PLCL1: variants seen among roughly 807,000 people sequenced by gnomAD.
PLCL1 encodes the protein inactive phospholipase C-like protein 1.
A neutral mutation model predicts 84.4 loss-of-function variants in PLCL1; 41 were observed. The observed-to-expected ratio is 0.49, with a 90% CI of 0.38 to 0.63. The LOEUF is 0.63. PLCL1 is among the 30% of genes least tolerant of loss of function. The pLI is 0.00. For missense variants in PLCL1, 1,206 were observed against 1,367.8 expected, an observed-to-expected ratio of 0.88 and a Z score of 1.87; for synonymous variants, 490 against 488.3, an observed-to-expected ratio of 1.00 and a Z score of -0.05.
chr2:198,015,784 T>C (rs1223117078), intron 1 of PLCL1, among the ~76,000 whole-genome samples: 1 of 152,148 alleles, frequency 6.6e-6, no homozygotes, highest in Admixed American at 6.5e-5. Context: ...ACTCAGAGCA[T>C]ATGTGTGATA....
In PLCL1 at chr2:198,084,610, G is replaced by A; in HGVS notation, c.1093G>A (p.Glu365Lys). The A allele has an allele frequency of 6.2e-7, 1 of 1,614,112 alleles. No homozygotes were observed. Among genetic ancestry groups the A allele is most frequent in the Non-Finnish European group, 8.5e-7 (1 of 1,179,966 alleles). Residue 365 changes from glutamate (E) to lysine (K), a missense_variant, in exon 2 of 6, where the codon GAG (glutamate) becomes AAG (lysine). Transcript: ENST00000428675. ...DIIRRYELSEEGRQKGFLAID... is the reference protein window; with the variant it reads ...DIIRRYELSEKGRQKGFLAID... The stretch of plus-strand genomic sequence containing the variant: ...CATAAGGAGATACGAACTTTCTGAA[G>A]AGGGACGTCAAAAAGGGTTTCTTGC...
chr2:197,840,094 T>G (rs2574832), intron 1 of PLCL1, among the ~76,000 whole-genome samples: 110,531 of 152,136 alleles, frequency 0.73, 41,203 homozygotes, highest in African/African-American at 0.9. Context: ...AAAGATTCTA[T>G]GTTTCTAAGG....
At chr2:197,983,218 T>C (rs1350068448) in intron 1 of PLCL1, among the ~76,000 whole-genome samples, 8 of 63,442 alleles carry the variant, frequency 1.3e-4, no homozygotes, top group African/African-American at 3.8e-4. Context: ...TTTTTTTTTT[T>C]TTTTTTTTTT....
intron 1 of PLCL1, among the ~76,000 whole-genome samples, chr2:197,886,411 CAAAAAAAAAA>C (rs61183744): frequency 4.3e-4 from 33 of 77,036 alleles, no homozygotes; most frequent in Non-Finnish European, 6.2e-4. Flanking sequence ...GACTCTGTCT[CAAAAAAAAAA>C]AAAAAAAAAA....
chr2:197,978,648 A>G (rs1374254710), intron 1 of PLCL1, among the ~76,000 whole-genome samples: 1 of 152,258 alleles, frequency 6.6e-6, no homozygotes, highest in Non-Finnish European at 1.5e-5. Context: ...AAAAACAAGT[A>G]AGATAATTAT....
chr2:198,070,638 A>G (rs1323545393), intron 1 of PLCL1, among the ~76,000 whole-genome samples: 2 of 151,998 alleles, frequency 1.3e-5, no homozygotes, highest in Non-Finnish European at 2.9e-5. Context: ...CAAGAATAAT[A>G]AATATTTCAA....
At chr2:198,141,655 C>T (rs1170466857) in intron 5 of PLCL1, among the ~76,000 whole-genome samples, 1 of 152,148 alleles carries the variant, frequency 6.6e-6, no homozygotes, top group Non-Finnish European at 1.5e-5. Flanking sequence ...CAGTTGTGCA[C>T]AGCCCTCCAC....
chr2:197,847,779 T>C (rs537554937), intron 1 of PLCL1, among the ~76,000 whole-genome samples: 62 of 152,320 alleles, frequency 4.1e-4, no homozygotes, highest in Admixed American at 3.3e-4. Flanking sequence ...CTTTTCCCGC[T>C]CTCAAGCTGT....
At chr2:197,897,176 T>TCTC (rs1559038617) in intron 1 of PLCL1, among the ~76,000 whole-genome samples, 12 of 45,006 alleles carry the variant, frequency 2.7e-4, no homozygotes, top group Non-Finnish European at 4.3e-4. Flanking sequence ...TTCTTCTTCT[T>TCTC]CTTCTTCTTC....
intron 1 of PLCL1, among the ~76,000 whole-genome samples, chr2:198,003,470 G>A (rs1273139963): frequency 6.6e-6 from 1 of 152,166 alleles, no homozygotes; most frequent in East Asian, 1.9e-4. Flanking sequence ...TTATGTGCTG[G>A]ACTCTTGTAT....
intron 1 of PLCL1, among the ~76,000 whole-genome samples, chr2:197,899,803 T>G (rs887644397): frequency 2.6e-5 from 4 of 151,532 alleles, no homozygotes; most frequent in Non-Finnish European, 5.9e-5. Flanking sequence ...GCCCGGCTAA[T>G]TTTTTGTATT....
At chr2:198,129,162 T>TG (rs894651551) in intron 5 of PLCL1, among the ~76,000 whole-genome samples, 7 of 152,194 alleles carry the variant, frequency 4.6e-5, no homozygotes, top group Non-Finnish European at 8.8e-5. Flanking sequence ...CTATCTCTTG[T>TG]GGGGGAAATT....
chr2:197,853,515 C>T lies in PLCL1; in HGVS notation c.240+48176C>T, dbSNP rs552162332. On this transcript the variant is annotated intron_variant, in intron 1 of 5. Coordinates refer to ENST00000428675, the MANE Select transcript of PLCL1 (RefSeq NM_006226.4). ...TCCTTATTTGTGAAACAGGAATAAT[C>T]ATCCTTAACTGGAAGAGGGCTATCA... 7.4e-4 allele frequency among the ~76,000 whole-genome samples: 112 copies of T among 152,260 alleles called. 1 individual carries two copies. The highest frequency in any genetic ancestry group is 2.6e-3 in the African/African-American group (109 of 41,560).
chr2:197,952,718 A>C (rs1446610997), intron 1 of PLCL1, among the ~76,000 whole-genome samples: 2 of 152,080 alleles, frequency 1.3e-5, no homozygotes, highest in African/African-American at 4.8e-5. Flanking sequence ...CCAGTGAGAG[A>C]TAACTGAATT....
chr2:198,121,870 A>AT (rs1244053799), intron 5 of PLCL1, among the ~76,000 whole-genome samples: 2 of 151,754 alleles, frequency 1.3e-5, no homozygotes, highest in Admixed American at 1.3e-4. Context: ...GCCCATCTTT[A>AT]TTTTTCTCCT....
chr2:198,061,581 C>T (rs1183885998), intron 1 of PLCL1, among the ~76,000 whole-genome samples: 2 of 143,374 alleles, frequency 1.4e-5, no homozygotes, highest in Non-Finnish European at 3.1e-5. Context: ...ATCATTCCTC[C>T]ATTGCAAATG....
chr2:197,819,878 T>C (rs1367157824), intron 1 of PLCL1, among the ~76,000 whole-genome samples: 1 of 147,554 alleles, frequency 6.8e-6, no homozygotes, highest in African/African-American at 2.6e-5. Flanking sequence ...AGGCTCACTA[T>C]TATGCATGTG....
At chr2:198,137,140 A>T (rs377583506) in intron 5 of PLCL1, among the ~76,000 whole-genome samples, 8 of 152,218 alleles carry the variant, frequency 5.3e-5, no homozygotes, top group African/African-American at 1.4e-4. Flanking sequence ...TAAATTAAAT[A>T]AAAAAACACA....
chr2:197,941,254 C>T (rs545721491), intron 1 of PLCL1, among the ~76,000 whole-genome samples: 1 of 152,122 alleles, frequency 6.6e-6, no homozygotes, highest in South Asian at 2.1e-4. Context: ...CAAGTGCCCC[C>T]ATGCACTGAG....
Sources: allele counts gnomAD v4.1 joint callset (sites outside exome capture counted in the v4.1 genomes callset), GRCh38; gene constraint gnomAD v4.1.1; transcripts MANE v1.5; gene names NCBI Gene and HGNC (gene_info 2026-07-23, HGNC 2026-07-21).